NPHP4: variants seen among roughly 807,000 people sequenced by gnomAD.
NPHP4 encodes the protein nephrocystin-4.
NPHP4 carries 151 observed loss-of-function variants against 155.8 expected under a neutral mutation model. That is an observed-to-expected ratio of 0.97 (90% CI 0.85 to 1.11). NPHP4 has a LOEUF of 1.11. Ranked by LOEUF, NPHP4 falls within the 50% of genes least tolerant of loss-of-function variation. The pLI, the probability that NPHP4 is intolerant of heterozygous loss-of-function variation, is 0.00. For synonymous variants in NPHP4, 845 were observed against 816.8 expected (o/e 1.03, Z -0.59); for missense variants, 1,956 against 1,925.7 (o/e 1.02, Z -0.29).
chr1:5,969,882 G>C (rs1652252824), intron 3 of NPHP4, among the ~76,000 whole-genome samples: 1 of 152,200 alleles, frequency 6.6e-6, no homozygotes, highest in African/African-American at 2.4e-5. Context: ...CCCCGGTTCA[G>C]AGCCCAAAAG....
chr1:5,899,054 G>A (rs112268508), intron 16 of NPHP4, among the ~76,000 whole-genome samples: 217 of 152,298 alleles, frequency 1.4e-3, no homozygotes, highest in African/African-American at 5.0e-3. Context: ...AGGACATGGC[G>A]CTGTCTGGGC....
chr1:5,903,658 AT>A lies in NPHP4; in HGVS notation c.2143+958del, dbSNP rs1644779473. Among the ~76,000 whole-genome samples the A allele has an allele frequency of 3.3e-5, 5 of 152,346 alleles. No homozygotes were observed. In the South Asian group the frequency reaches 1.0e-3, roughly 32 times the overall value. On this transcript the variant is annotated intron_variant, in intron 16 of 29. Transcript: ENST00000378156. ...TTGAAGGATGCCAGGGAATCATGTA[AT>A]TACTTCAGAAATTGGCAAATAAAGG... is the stretch of plus-strand genomic sequence containing the variant.
chr1:5,881,862 T>C (rs1570202307), intron 18 of NPHP4: 1 of 152,392 alleles, frequency 6.6e-6, no homozygotes, highest in East Asian at 1.9e-4. Context: ...CTTCAGTCTT[T>C]GTAAGCTCTT....
At chr1:5,967,034 G>A (rs1651647285) in intron 5 of NPHP4, among the ~76,000 whole-genome samples, 1 of 152,230 alleles carries the variant, frequency 6.6e-6, no homozygotes, top group African/African-American at 2.4e-5. Flanking sequence ...GAGCAGAGCT[G>A]TTCCCCTCCC....
chr1:5,924,530 C>T (rs1645899258), intron 11 of NPHP4, among the ~76,000 whole-genome samples: 1 of 152,122 alleles, frequency 6.6e-6, no homozygotes. Context: ...CAGATGGCAT[C>T]CACAAATTGA....
intron 2 of NPHP4, among the ~76,000 whole-genome samples, chr1:5,985,384 G>A (rs557641606): frequency 1.3e-5 from 2 of 152,368 alleles, no homozygotes; most frequent in East Asian, 1.9e-4. Context: ...CAGGTTCCCC[G>A]CCAGCTGAAG....
At chr1:5,919,643 G>A (rs747590862) in intron 11 of NPHP4, among the ~76,000 whole-genome samples, 2 of 152,170 alleles carry the variant, frequency 1.3e-5, no homozygotes, top group African/African-American at 2.4e-5. Flanking sequence ...AAGATAAAAT[G>A]GTAGAGGCAT....
chr1:5,867,466 G>A lies in NPHP4; in HGVS notation c.3472+274C>T, dbSNP rs1039153946. On this transcript the variant is annotated intron_variant, in intron 24 of 29. Transcript: ENST00000378156. The surrounding 1 kb of genome is among the most constrained non-coding windows in gnomAD (Gnocchi z 4.1). The stretch of plus-strand genomic sequence containing the variant: ...CGGGCCGTCAGGTGAGGAGGTAGGT[G>A]TTCCTCCAGGCACACCTGGACCTGG... 1.8e-6 allele frequency: 1 copy of A among 562,984 alleles called. No homozygotes were observed. The highest frequency in any genetic ancestry group is 2.2e-5 in the South Asian group (1 of 46,282). The allele number at this position is 562,984 out of a possible 1,614,324, so 34.9% of individuals were successfully genotyped here.
intron 16 of NPHP4, among the ~76,000 whole-genome samples, chr1:5,894,042 T>C (rs1253682625): frequency 3.9e-5 from 6 of 152,220 alleles, no homozygotes; most frequent in Non-Finnish European, 2.9e-5. Flanking sequence ...TAATGATTAA[T>C]GATACTCATA....
chr1:5,864,700 G>A, intron 27 of NPHP4, 183 bp from the exon 28 acceptor site: 1 of 561,370 alleles, frequency 1.8e-6, no homozygotes, highest in Non-Finnish European at 3.2e-6. Context: ...TCCACACCAG[G>A]CAAGTCCCTC....
intron 3 of NPHP4, among the ~76,000 whole-genome samples, chr1:5,970,581 G>T (rs1293287350): frequency 6.6e-6 from 1 of 152,046 alleles, no homozygotes. Context: ...AATCAACAGG[G>T]AATGCGCATC....
intron 2 of NPHP4, 78 bp downstream of exon 2, chr1:5,986,077 G>C: frequency 5.3e-6 from 8 of 1,500,706 alleles, no homozygotes; most frequent in Middle Eastern, 1.7e-4. Context: ...GTAAGCCAGG[G>C]ACCATCCATC....
intron 16 of NPHP4, among the ~76,000 whole-genome samples, chr1:5,895,970 G>A (rs1233152742): frequency 3.9e-5 from 6 of 152,196 alleles, no homozygotes; most frequent in African/African-American, 4.8e-5. Flanking sequence ...CCGTAGAGAC[G>A]GGCACAGGCG....
chr1:5,864,271 G>A, intron 28 of NPHP4, 67 bp downstream of exon 28: 1 of 1,447,744 alleles, frequency 6.9e-7, no homozygotes, highest in Non-Finnish European at 9.4e-7. Flanking sequence ...GGGCCGAGGT[G>A]GGGGTCCTGC....
chr1:5,875,695 G>A (rs1642522807), intron 20 of NPHP4, among the ~76,000 whole-genome samples: 1 of 152,216 alleles, frequency 6.6e-6, no homozygotes. Context: ...TTTTCCTGTG[G>A]GACTTACAAG....
chr1:5,865,504 C>G, intron 26 of NPHP4: 1 of 462,364 alleles, frequency 2.2e-6, no homozygotes, highest in Non-Finnish European at 3.9e-6. Context: ...TGCCCATCTC[C>G]CACCCACAGC....
rs1334907942 is a variant in NPHP4, at chr1:5,905,366, C to T, written c.1881G>A (p.Thr627=). The T allele has an allele frequency of 3.7e-6, 6 of 1,613,920 alleles. No individual in the cohort carries two copies. The highest frequency in any genetic ancestry group is 1.7e-5 in the Admixed American group (1 of 60,028). The part of the protein sequence containing the change: ...AEAVSATEPV[T]FNPQKEESDC... ...CTGATTCTTCCTTCTGAGGGTTAAACGTCACAGGTTCTGTAGCGCTGACAG... is the reference window on the plus strand; with the variant it reads ...CTGATTCTTCCTTCTGAGGGTTAAATGTCACAGGTTCTGTAGCGCTGACAG... The change falls in exon 15 of 30, where the codon ACG becomes ACA. Residue 627 remains threonine, a synonymous_variant. Coordinates refer to ENST00000378156, the MANE Select transcript of NPHP4 (RefSeq NM_015102.5). The surrounding 1 kb of genome is among the most constrained non-coding windows in gnomAD (Gnocchi z 4.0).
chr1:5,939,453 G>A (rs1646712209), intron 9 of NPHP4, among the ~76,000 whole-genome samples: 1 of 152,202 alleles, frequency 6.6e-6, no homozygotes, highest in African/African-American at 2.4e-5. Context: ...GCTGGCATGT[G>A]GGCACTGCAG....
At chr1:5,957,638 CAGCAGAA>C (rs1649498500) in intron 6 of NPHP4, among the ~76,000 whole-genome samples, 1 of 94,002 alleles carries the variant, frequency 1.1e-5, no homozygotes, top group Non-Finnish European at 2.1e-5. Context: ...ATATTTAATT[CAGCAGAA>C]TGCACCTCAA....
Sources: gnomAD v4.1 joint callset for allele counts (sites outside exome capture counted in the v4.1 genomes callset) on GRCh38, gnomAD v4.1.1 for gene constraint, Gnocchi (gnomAD v3.1) non-coding constraint, MANE v1.5 for transcripts, NCBI Gene and HGNC (gene_info 2026-07-23, HGNC 2026-07-21) for gene names.